CTNNA3: variants seen among roughly 807,000 people sequenced by gnomAD.
CTNNA3 encodes the protein catenin alpha 3.
CTNNA3 carries 76 observed loss-of-function variants against 95.7 expected under a neutral mutation model. The ratio of observed to expected loss-of-function variants is 0.79; its 90% confidence interval spans 0.66 to 0.96. CTNNA3 has a LOEUF of 0.96. CTNNA3 is among the 40% of genes least tolerant of loss of function. The pLI is 0.00. For missense variants in CTNNA3, 1,191 were observed against 1,089.8 expected, an observed-to-expected ratio of 1.09 and a Z score of -1.31; for synonymous variants, 431 against 374.4, an observed-to-expected ratio of 1.15 and a Z score of -1.74.
intron 10 of CTNNA3, among the ~76,000 whole-genome samples, chr10:66,589,668 A>G (rs1384707960): frequency 3.9e-5 from 6 of 152,144 alleles, no homozygotes; most frequent in Non-Finnish European, 5.9e-5. Context: ...GAAATGGCAT[A>G]CAAGTTGAGA....
chr10:66,174,624 T>TCACATCCTA (rs1434210233), intron 13 of CTNNA3, among the ~76,000 whole-genome samples: 2 of 152,012 alleles, frequency 1.3e-5, no homozygotes, highest in Non-Finnish European at 2.9e-5. Flanking sequence ...AATAGAGTAT[T>TCACATCCTA]TGCAGGATGT....
intron 7 of CTNNA3, among the ~76,000 whole-genome samples, chr10:67,045,430 T>TTTG (rs757199869): frequency 3.8e-4 from 58 of 152,118 alleles, no homozygotes; most frequent in Non-Finnish European, 6.9e-4. Context: ...GTTGTTGTTG[T>TTTG]TTGTTGTTGT....
chr10:66,214,503 A>C (rs1168909097), intron 13 of CTNNA3, among the ~76,000 whole-genome samples: 2 of 152,106 alleles, frequency 1.3e-5, no homozygotes, highest in Non-Finnish European at 2.9e-5. Context: ...TGGACAATTC[A>C]AGGAAATGTA....
intron 10 of CTNNA3, among the ~76,000 whole-genome samples, chr10:66,608,110 A>G (rs944372639): frequency 6.6e-6 from 1 of 152,194 alleles, no homozygotes; most frequent in African/African-American, 2.4e-5. Flanking sequence ...CTCAGGATAC[A>G]AAATTAATGT....
At chr10:66,555,414 TGTAA>T (rs1390242883) in intron 10 of CTNNA3, among the ~76,000 whole-genome samples, 1 of 152,116 alleles carries the variant, frequency 6.6e-6, no homozygotes, top group Non-Finnish European at 1.5e-5. Context: ...CTTAAATAAG[TGTAA>T]GTATGAGAAT....
rs1013833844 is a variant in CTNNA3, at chr10:65,913,070, T to A, written c.*7260A>T. The A allele has an allele frequency of 6.6e-6, 1 of 152,166 alleles. No homozygotes were observed. The highest frequency in any genetic ancestry group is 1.5e-5 in the Non-Finnish European group (1 of 68,020). 9.4% of individuals were successfully genotyped at this position (152,166 alleles called of 1,614,324 possible). On this transcript the variant is annotated 3_prime_UTR_variant, in exon 18 of 18. Coordinates refer to ENST00000433211, the MANE Select transcript of CTNNA3 (RefSeq NM_013266.4). ...ATATTGCTGCAATAAACATGACTATTATGAATTGGTTACTTTTATTTCATC... is the reference window on the plus strand; with the variant it reads ...ATATTGCTGCAATAAACATGACTATAATGAATTGGTTACTTTTATTTCATC...
intron 13 of CTNNA3, among the ~76,000 whole-genome samples, chr10:66,150,340 G>A (rs1033899500): frequency 2.0e-4 from 31 of 152,308 alleles, no homozygotes; most frequent in African/African-American, 6.7e-4. Context: ...TGCCAGGCAT[G>A]TGGAACTGTA....
chr10:66,910,297 T>C (rs1164547396), intron 7 of CTNNA3, among the ~76,000 whole-genome samples: 1 of 152,160 alleles, frequency 6.6e-6, no homozygotes, highest in East Asian at 1.9e-4. Flanking sequence ...GACAAAAGGG[T>C]AGATTTAAGC....
intron 5 of CTNNA3, among the ~76,000 whole-genome samples, chr10:67,392,625 T>C (rs1564620978): frequency 6.6e-6 from 1 of 152,188 alleles, no homozygotes; most frequent in Non-Finnish European, 1.5e-5. Context: ...ATTGCGGCAC[T>C]CTTCACAAGA....
chr10:66,638,449 C>T (rs1845409050), intron 9 of CTNNA3, among the ~76,000 whole-genome samples: 1 of 152,134 alleles, frequency 6.6e-6, no homozygotes, highest in African/African-American at 2.4e-5. Context: ...CTCCGCCGCC[C>T]CAACTCTAGA....
intron 12 of CTNNA3, 30 bp downstream of exon 12, chr10:66,379,122 T>C (rs2092816430): frequency 2.6e-6 from 4 of 1,533,096 alleles, no homozygotes; most frequent in South Asian, 1.1e-5. Flanking sequence ...ATAAGAGAAA[T>C]TGTGCAGCTG....
chr10:67,370,869 GTTT>G (rs58583527), intron 5 of CTNNA3, among the ~76,000 whole-genome samples: 1 of 136,306 alleles, frequency 7.3e-6, no homozygotes, highest in Non-Finnish European at 1.6e-5. Flanking sequence ...AGTTTTTTTT[GTTT>G]TTTTTTTTTT....
intron 5 of CTNNA3, among the ~76,000 whole-genome samples, chr10:67,364,916 A>T (rs1334433691): frequency 6.6e-6 from 1 of 152,208 alleles, no homozygotes; most frequent in Non-Finnish European, 1.5e-5. Context: ...CACATAGCCA[A>T]GACAATCCTA....
At chr10:66,941,695 A>G (rs1160319158) in intron 7 of CTNNA3, among the ~76,000 whole-genome samples, 1 of 152,218 alleles carries the variant, frequency 6.6e-6, no homozygotes, top group African/African-American at 2.4e-5. Context: ...TAACAGCTGC[A>G]GCCTTGACCG....
At chr10:66,431,442 C>T (rs1366174789) in intron 11 of CTNNA3, among the ~76,000 whole-genome samples, 1 of 151,976 alleles carries the variant, frequency 6.6e-6, no homozygotes, top group Admixed American at 6.6e-5. Context: ...AAGACACATG[C>T]ACATGTATGT....
chr10:66,679,306 A>T (rs535240119), intron 9 of CTNNA3, among the ~76,000 whole-genome samples: 1 of 152,206 alleles, frequency 6.6e-6, no homozygotes, highest in African/African-American at 2.4e-5. Context: ...GATTTTGAGG[A>T]TACTAGCTTC....
At chr10:67,356,509 C>T (rs1210126206) in intron 5 of CTNNA3, among the ~76,000 whole-genome samples, 1 of 152,064 alleles carries the variant, frequency 6.6e-6, no homozygotes, top group Non-Finnish European at 1.5e-5. Context: ...ACCCTCAATC[C>T]TCAGATCCTT....
intron 11 of CTNNA3, among the ~76,000 whole-genome samples, chr10:66,407,586 A>ATT (rs34735022): frequency 6.8e-6 from 1 of 147,596 alleles, no homozygotes; most frequent in African/African-American, 2.5e-5. Flanking sequence ...ACTTTTACAT[A>ATT]TTTTTTTTTT....
intron 9 of CTNNA3, among the ~76,000 whole-genome samples, chr10:66,663,584 GTA>G (rs938309376): frequency 6.6e-6 from 1 of 151,276 alleles, no homozygotes. Flanking sequence ...CAATTATTTT[GTA>G]TCTCTCCAGT....
Sources: gnomAD v4.1 joint callset for allele counts (sites outside exome capture counted in the v4.1 genomes callset) on GRCh38, gnomAD v4.1.1 for gene constraint, MANE v1.5 for transcripts, NCBI Gene and HGNC (gene_info 2026-07-23, HGNC 2026-07-21) for gene names.